The following EHMT1 variants were observed in gnomAD, a reference collection of about 807,000 sequenced individuals.
EHMT1 encodes euchromatic histone lysine methyltransferase 1, also known as histone-lysine N-methyltransferase EHMT1.
A neutral mutation model predicts 147.2 loss-of-function variants in EHMT1; 15 were observed. The observed-to-expected ratio is 0.10, with a 90% CI of 0.07 to 0.16. EHMT1 has a LOEUF of 0.16. EHMT1 is among the 10% of genes least tolerant of loss of function. The pLI is 1.00. For missense variants in EHMT1, 1,587 were observed against 1,772.4 expected (o/e 0.90, Z 1.88); for synonymous variants, 795 against 709.6 (o/e 1.12, Z -1.91).
chr9:137,630,177 A>G (rs1408837233), intron 1 of EHMT1, among the ~76,000 whole-genome samples: 1 of 152,214 alleles, frequency 6.6e-6, no homozygotes, highest in South Asian at 2.1e-4. Flanking sequence ...TATATTTAAG[A>G]TGCTGTTTTG....
At chr9:137,818,190 C>T in intron 25 of EHMT1, 52 bp downstream of exon 25, 1 of 1,587,776 alleles carries the variant, frequency 6.3e-7, no homozygotes, top group South Asian at 1.1e-5. Context: ...ACTGTAAAAC[C>T]TGAATGTGTT....
At chr9:137,688,018 T>A in intron 1 of EHMT1, among the ~76,000 whole-genome samples, 1 of 152,220 alleles carries the variant, frequency 6.6e-6, no homozygotes, top group East Asian at 1.9e-4. Flanking sequence ...TTCTTTAGTA[T>A]TCTTTTTGGT....
At chr9:137,743,314 T>TTGAATGG (rs1157600983) in intron 4 of EHMT1, 57 bp from the exon 5 acceptor site, 3 of 1,530,100 alleles carry the variant, frequency 2.0e-6, no homozygotes, top group Non-Finnish European at 2.6e-6. Context: ...TGAAAAACAT[T>TTGAATGG]TGAATGGTGT....
Position 137,751,933 on chromosome 9 carries a change from A to G in EHMT1, c.1171-398A>G, listed in dbSNP as rs114534976. ...TTTTGTGGCCTCTGAAAATCTTTTT[A>G]TGATTGTTCTGTGTGTTTTGTGATG... On this transcript the variant is annotated intron_variant, in intron 6 of 26. Coordinates refer to ENST00000460843, the MANE Select transcript of EHMT1 (RefSeq NM_024757.5). Among the ~76,000 whole-genome samples the G allele has an allele frequency of 4.2e-3, 646 of 152,294 alleles. 4 individuals are homozygous for G. The highest frequency in any genetic ancestry group is 0.015 in the African/African-American group (614 of 41,560).
At chr9:137,740,488 C>G (rs917815707) in intron 4 of EHMT1, among the ~76,000 whole-genome samples, 1 of 152,224 alleles carries the variant, frequency 6.6e-6, no homozygotes, top group African/African-American at 2.4e-5. Flanking sequence ...TTTCTCCTGG[C>G]CCCTGATGAC....
intron 17 of EHMT1, among the ~76,000 whole-genome samples, chr9:137,799,851 C>T (rs1463869520): frequency 6.6e-6 from 1 of 152,230 alleles, no homozygotes; most frequent in African/African-American, 2.4e-5. Context: ...GGTCGGAGCC[C>T]CGCCTGGTCC....
At chr9:137,781,271 TGTG>T (rs1416441633) in intron 14 of EHMT1, among the ~76,000 whole-genome samples, 2 of 121,764 alleles carry the variant, frequency 1.6e-5, no homozygotes, top group Admixed American at 8.6e-5. Flanking sequence ...CGCTGGGACG[TGTG>T]GTGATGACGC....
intron 13 of EHMT1, among the ~76,000 whole-genome samples, chr9:137,778,833 C>A (rs997806803): frequency 6.6e-6 from 1 of 152,194 alleles, no homozygotes; most frequent in Non-Finnish European, 1.5e-5. Flanking sequence ...GTTCTCCAGA[C>A]TGTACAGGAA....
rs368289876 is a variant in EHMT1 at position 137,672,355 on chromosome 9, TGTA to T, written c.22-38607_22-38605del. On this transcript the variant is annotated intron_variant, in intron 1 of 26. Transcript: ENST00000460843. ...TTTCATAAAGTATTTTATGTTAACA[TGTA>T]GTAGGTTTATTGTTATTTGTACAGG... Among the ~76,000 whole-genome samples the T allele has an allele frequency of 6.2e-3, 941 of 152,218 alleles. 2 individuals carry two copies. The highest frequency in any genetic ancestry group is 0.015 in the African/African-American group (621 of 41,494).
At chr9:137,675,824 C>T (rs1400905511) in intron 1 of EHMT1, among the ~76,000 whole-genome samples, 6 of 133,696 alleles carry the variant, frequency 4.5e-5, no homozygotes, top group Middle Eastern at 3.9e-3. Flanking sequence ...CGCTCTGTCG[C>T]CCAGGCTGGA....
At chr9:137,711,151 G>A (rs888654052) in intron 2 of EHMT1, 121 bp downstream of exon 2, 10 of 1,028,060 alleles carry the variant, frequency 9.7e-6, no homozygotes, top group African/African-American at 1.6e-5. Context: ...TAGGTTTATG[G>A]TATAGTTTCT....
At chr9:137,624,948 T>C (rs889328258) in intron 1 of EHMT1, among the ~76,000 whole-genome samples, 3 of 151,768 alleles carry the variant, frequency 2.0e-5, no homozygotes, top group Non-Finnish European at 2.9e-5. Flanking sequence ...AGTGACGCGA[T>C]TGGGTTCACC....
chr9:137,811,197 T>C (rs921405089), intron 18 of EHMT1, among the ~76,000 whole-genome samples: 2 of 152,204 alleles, frequency 1.3e-5, no homozygotes, highest in East Asian at 1.9e-4. Context: ...TTTTATTCTT[T>C]ACTGTGATTA....
rs1041153627 is a variant in EHMT1, at chr9:137,835,639, C to T, written c.*686C>T. 2.6e-5 allele frequency: 4 copies of T among 152,688 alleles called. No individual in the cohort carries two copies. Among genetic ancestry groups the T allele is most frequent in the Non-Finnish European group, 4.4e-5 (3 of 68,050 alleles). 9.5% of individuals were successfully genotyped at this position (152,688 alleles called of 1,614,324 possible). A position where few individuals can be genotyped will look rare whatever the true frequency, so the allele number is the denominator to read the frequency against. ...CCGGTTCCGTTGACGCTGGCACCTT[C>T]TGTTGATTTTTTAAGCCACATGCTA... On this transcript the variant is annotated 3_prime_UTR_variant, in exon 27 of 27. Transcript: ENST00000460843.
intron 1 of EHMT1, among the ~76,000 whole-genome samples, chr9:137,661,888 C>T (rs535477785): frequency 3.3e-5 from 5 of 152,206 alleles, no homozygotes; most frequent in Admixed American, 2.0e-4. Context: ...CTGCAGCCGC[C>T]GCCTCCTGAG....
intron 18 of EHMT1, among the ~76,000 whole-genome samples, chr9:137,806,062 C>T (rs141260053): frequency 1.2e-4 from 18 of 151,594 alleles, no homozygotes; most frequent in East Asian, 5.8e-4. Flanking sequence ...CTGGTTCAAG[C>T]GATTCTCCTG....
Position 137,716,626 on chromosome 9 carries a change from A to C in EHMT1, c.86A>C (p.Glu29Ala). Residue 29 changes from glutamate to alanine, a missense_variant and splice_region_variant, in exon 3 of 27, where the codon GAG becomes GCG. Transcript: ENST00000460843. Reference protein sequence around the residue: ...CCVKTELLGEETPMAADEGSA... With the variant: ...CCVKTELLGEATPMAADEGSA... ...GTGACACTCGTTTCTTTGTTGGCAG[A>C]GACACCTATGGCTGCCGATGAAGGC... 1 of 1,552,066 alleles carries C rather than the reference A, an allele frequency of 6.4e-7. No homozygotes were observed. The highest frequency in any genetic ancestry group is 8.7e-7 in the Non-Finnish European group (1 of 1,148,044).
In EHMT1 at chr9:137,813,149, G is replaced by T. The variant is rs138283222; in HGVS notation, c.3011G>T (p.Ser1004Ile). 30 of 1,610,916 alleles carry T rather than the reference G, an allele frequency of 1.9e-5. No individual in the cohort carries two copies. Among genetic ancestry groups the T allele is most frequent in the Non-Finnish European group, 1.6e-5 (19 of 1,180,002 alleles). Residue 1004 changes from serine (S) to isoleucine (I), a missense_variant, in exon 20 of 27, where the codon AGC becomes ATC. Transcript: ENST00000460843. This position sits in a 1 kb window ranked among gnomAD's most constrained non-coding sequence, Gnocchi z 4.9. ...CAGGACTCGGCCCCCGACAGGCCCAGCCCCGTGGAGAGGATAGTGAGCAGG... is the reference window on the plus strand; with the variant it reads ...CAGGACTCGGCCCCCGACAGGCCCATCCCCGTGGAGAGGATAGTGAGCAGG... ...ALQDSAPDRP[S>I]PVERIVSRDI...
intron 1 of EHMT1, among the ~76,000 whole-genome samples, chr9:137,661,600 C>T (rs1939088081): frequency 6.6e-6 from 1 of 151,680 alleles, no homozygotes; most frequent in Non-Finnish European, 1.5e-5. Flanking sequence ...ATTCTCCTGC[C>T]TCAGCCTCCC....
Sources: gnomAD v4.1 joint callset for allele counts (sites outside exome capture counted in the v4.1 genomes callset) on GRCh38, gnomAD v4.1.1 for gene constraint, Gnocchi (gnomAD v3.1) non-coding constraint, MANE v1.5 for transcripts, NCBI Gene and HGNC (gene_info 2026-07-23, HGNC 2026-07-21) for gene names.